The following B3GALT1 variants were observed in gnomAD, a reference collection of about 807,000 sequenced individuals.
B3GALT1 encodes beta-1,3-galactosyltransferase 1, also known as UDP-Gal:betaGlcNAc beta 1,3-galactosyltransferase, polypeptide 1.
A neutral mutation model predicts 23.2 loss-of-function variants in B3GALT1; 10 were observed. The observed-to-expected ratio is 0.43, with a 90% CI of 0.27 to 0.73. B3GALT1 has a LOEUF of 0.73. Among genes scored for constraint, B3GALT1 ranks in the 30% least tolerant of loss-of-function variants. The probability of loss-of-function intolerance (pLI) is 0.21; values close to 1 mark genes in which losing one functional copy is unlikely to be tolerated. For synonymous variants in B3GALT1, 156 were observed against 141.5 expected, an observed-to-expected ratio of 1.10 and a Z score of -0.73; for missense variants, 299 against 405.4, an observed-to-expected ratio of 0.74 and a Z score of 2.25.
At chr2:167,690,503 T>C (rs1686694316) in intron 3 of B3GALT1, among the ~76,000 whole-genome samples, 2 of 152,118 alleles carry the variant, frequency 1.3e-5, no homozygotes, top group Non-Finnish European at 2.9e-5. Flanking sequence ...TGGTGCAGAT[T>C]TTCTATTACA....
intron 3 of B3GALT1, among the ~76,000 whole-genome samples, chr2:167,693,251 G>A (rs937377231): frequency 6.6e-6 from 1 of 151,944 alleles, no homozygotes; most frequent in African/African-American, 2.4e-5. Context: ...ATACCAACTT[G>A]AAAAACAGTG....
At chr2:167,635,346 C>A (rs766895665) in intron 2 of B3GALT1, among the ~76,000 whole-genome samples, 1 of 151,984 alleles carries the variant, frequency 6.6e-6, no homozygotes, top group Non-Finnish European at 1.5e-5. Flanking sequence ...GAAGTTCTGG[C>A]CAGGGCAATC....
chr2:167,752,584 CT>C (rs1687755559), intron 3 of B3GALT1, among the ~76,000 whole-genome samples: 1 of 139,810 alleles, frequency 7.2e-6, no homozygotes, highest in African/African-American at 2.7e-5. Context: ...CCCCCCGCCC[CT>C]CTCCCCCCAC....
intron 2 of B3GALT1, among the ~76,000 whole-genome samples, chr2:167,533,121 A>C (rs1683357278): frequency 1.3e-5 from 2 of 151,684 alleles, no homozygotes; most frequent in Non-Finnish European, 2.9e-5. Context: ...TCGGCCTCCC[A>C]AAGTGCTGGA....
intron 3 of B3GALT1, among the ~76,000 whole-genome samples, chr2:167,801,100 A>G (rs138195170): frequency 6.6e-6 from 1 of 152,246 alleles, no homozygotes; most frequent in Non-Finnish European, 1.5e-5. Context: ...TTGACAAAAC[A>G]GGCTCTTGGC....
At chr2:167,419,840 A>G (rs556291351) in intron 1 of B3GALT1, among the ~76,000 whole-genome samples, 1 of 152,346 alleles carries the variant, frequency 6.6e-6, no homozygotes, top group Non-Finnish European at 1.5e-5. Context: ...AGTGAGTCTC[A>G]TAATAATATT....
chr2:167,775,438 G>A (rs962392975), intron 3 of B3GALT1, among the ~76,000 whole-genome samples: 4 of 151,728 alleles, frequency 2.6e-5, no homozygotes, highest in East Asian at 1.9e-4. Context: ...GTGTGGTGGC[G>A]CGTGCCTGTA....
At chr2:167,611,291 A>G (rs2105432115) in intron 2 of B3GALT1, among the ~76,000 whole-genome samples, 1 of 152,118 alleles carries the variant, frequency 6.6e-6, no homozygotes, top group East Asian at 1.9e-4. Flanking sequence ...GCATATGTAC[A>G]CTTTCCCAAA....
At chr2:167,776,074 AC>A (rs1180859939) in intron 3 of B3GALT1, among the ~76,000 whole-genome samples, 18 of 151,816 alleles carry the variant, frequency 1.2e-4, no homozygotes, top group African/African-American at 4.3e-4. Context: ...ACACACACAC[AC>A]ACAATTATAG....
intron 4 of B3GALT1, among the ~76,000 whole-genome samples, chr2:167,865,836 T>C (rs1393635392): frequency 6.6e-6 from 1 of 152,002 alleles, no homozygotes; most frequent in Non-Finnish European, 1.5e-5. Context: ...AATAAATAAA[T>C]GGAACAGGAT....
chr2:167,707,910 G>A (rs898021822), intron 3 of B3GALT1, among the ~76,000 whole-genome samples: 1 of 152,100 alleles, frequency 6.6e-6, no homozygotes, highest in Non-Finnish European at 1.5e-5. Context: ...TATTAGCCAG[G>A]GCACCACATC....
chr2:167,787,492 T>A (rs1688360807), intron 3 of B3GALT1, among the ~76,000 whole-genome samples: 1 of 152,214 alleles, frequency 6.6e-6, no homozygotes, highest in South Asian at 2.1e-4. Context: ...TGGTTCTATG[T>A]ATTTGATTCT....
chr2:167,591,401 A>G (rs1684676508), intron 2 of B3GALT1, among the ~76,000 whole-genome samples: 1 of 152,182 alleles, frequency 6.6e-6, no homozygotes, highest in South Asian at 2.1e-4. Flanking sequence ...TAACTCTTAC[A>G]GACACATCAG....
At chr2:167,338,946 G>A (rs765578361) in intron 1 of B3GALT1, among the ~76,000 whole-genome samples, 5 of 152,074 alleles carry the variant, frequency 3.3e-5, no homozygotes, top group African/African-American at 9.7e-5. Flanking sequence ...TTAGATTGGC[G>A]AAATTACAGA....
intron 1 of B3GALT1, among the ~76,000 whole-genome samples, chr2:167,349,325 G>A (rs896124430): frequency 3.9e-5 from 6 of 152,052 alleles, no homozygotes; most frequent in African/African-American, 9.7e-5. Context: ...CCCATGAACC[G>A]TCTGTTATCA....
intron 2 of B3GALT1, among the ~76,000 whole-genome samples, chr2:167,554,990 C>T (rs1683817570): frequency 6.6e-6 from 1 of 152,126 alleles, no homozygotes; most frequent in South Asian, 2.1e-4. Flanking sequence ...TCTTCTGGGT[C>T]TTCAAACATA....
At chr2:167,800,302 C>T (rs1688617665) in intron 3 of B3GALT1, among the ~76,000 whole-genome samples, 1 of 152,098 alleles carries the variant, frequency 6.6e-6, no homozygotes, top group Non-Finnish European at 1.5e-5. Flanking sequence ...TTGTATGATG[C>T]CTCCAAAAAT....
intron 1 of B3GALT1, among the ~76,000 whole-genome samples, chr2:167,306,229 T>C (rs1420700859): frequency 1.3e-5 from 2 of 151,984 alleles, no homozygotes; most frequent in Non-Finnish European, 2.9e-5. Flanking sequence ...GAGAATAATA[T>C]GCAACCATTA....
At chr2:167,308,013 C>T (rs1439473845) in intron 1 of B3GALT1, among the ~76,000 whole-genome samples, 1 of 151,946 alleles carries the variant, frequency 6.6e-6, no homozygotes, top group African/African-American at 2.4e-5. Context: ...AAAATAGTTG[C>T]TATCCCATCA....
Sources: gnomAD v4.1 joint callset for allele counts (sites outside exome capture counted in the v4.1 genomes callset) on GRCh38, gnomAD v4.1.1 for gene constraint, MANE v1.5 for transcripts, NCBI Gene and HGNC (gene_info 2026-07-23, HGNC 2026-07-21) for gene names.